Variants in DAB1 observed in about 807,000 individuals in gnomAD.
DAB1 encodes the protein DAB adaptor protein 1.
A neutral mutation model predicts 64.6 loss-of-function variants in DAB1; 15 were observed. The ratio of observed to expected loss-of-function variants is 0.23; its 90% CI spans 0.16 to 0.36. The LOEUF is 0.36. DAB1 is among the 10% of genes least tolerant of loss of function. The pLI is 1.00. For synonymous variants in DAB1, 235 were observed against 251.9 expected (o/e 0.93, Z 0.64); for missense variants, 596 against 706.7 (o/e 0.84, Z 1.78).
intron 2 of DAB1, among the ~76,000 whole-genome samples, chr1:57,233,776 A>C (rs1366471442): frequency 6.6e-6 from 1 of 151,826 alleles, no homozygotes; most frequent in African/African-American, 2.4e-5. Context: ...ATAAAAATAA[A>C]AAAATAAACC....
chr1:58,510,083 C>T (rs1056221013), intron 2 of DAB1, among the ~76,000 whole-genome samples: 1 of 152,106 alleles, frequency 6.6e-6, no homozygotes, highest in East Asian at 1.9e-4. Context: ...GTCAATGACT[C>T]TCAAAGTCTT....
intron 5 of DAB1, among the ~76,000 whole-genome samples, chr1:58,040,232 G>A (rs1647114154): frequency 6.6e-6 from 1 of 152,130 alleles, no homozygotes; most frequent in African/African-American, 2.4e-5. Flanking sequence ...GAAAGCAAAA[G>A]TTAAATCCCT....
rs1276892494 is a variant in DAB1 at position 57,072,280 on chromosome 1, C to T, written c.438+3G>A. ...GACTCCCTTCTTGGATAGGGATACTCACCGCCTGGGCTGTTTTTATGGCCA... is the reference window on the plus strand; with the variant it reads ...GACTCCCTTCTTGGATAGGGATACTTACCGCCTGGGCTGTTTTTATGGCCA... On this transcript the variant is annotated splice_donor_region_variant and intron_variant, in intron 5 of 14. Coordinates refer to ENST00000371236, the MANE Select transcript of DAB1 (RefSeq NM_001365792.1). 1.2e-6 allele frequency: 2 copies of T among 1,613,342 alleles called. No individual in the cohort carries two copies. Among genetic ancestry groups the T allele is most frequent in the South Asian group, 1.1e-5 (1 of 91,018 alleles).
chr1:57,931,263 T>C (rs1485677704), intron 5 of DAB1, among the ~76,000 whole-genome samples: 1 of 152,204 alleles, frequency 6.6e-6, no homozygotes, highest in Non-Finnish European at 1.5e-5. Flanking sequence ...TAATATTTTG[T>C]TGAGGATTTT....
chr1:58,303,920 T>C (rs1406950180), intron 4 of DAB1, among the ~76,000 whole-genome samples: 1 of 152,198 alleles, frequency 6.6e-6, no homozygotes, highest in East Asian at 1.9e-4. Flanking sequence ...TTTATTTATT[T>C]ATTTTTACCC....
At chr1:58,207,652 C>A (rs976708204) in intron 4 of DAB1, among the ~76,000 whole-genome samples, 1 of 152,184 alleles carries the variant, frequency 6.6e-6, no homozygotes, top group African/African-American at 2.4e-5. Context: ...GCTGGACAAC[C>A]TGAAATGGTT....
At chr1:57,558,011 G>GC (rs1344166527) in intron 7 of DAB1, among the ~76,000 whole-genome samples, 2 of 108,806 alleles carry the variant, frequency 1.8e-5, no homozygotes, top group East Asian at 6.6e-4. Context: ...CATGTGAGTG[G>GC]CTGACCTGCA....
At chr1:57,706,718 G>C (rs1425392227) in intron 6 of DAB1, among the ~76,000 whole-genome samples, 1 of 151,996 alleles carries the variant, frequency 6.6e-6, no homozygotes, top group African/African-American at 2.4e-5. Context: ...TTGTGCACTA[G>C]GTGTATATAT....
At chr1:57,479,846 C>T (rs1643989845) in intron 7 of DAB1, among the ~76,000 whole-genome samples, 9 of 152,138 alleles carry the variant, frequency 5.9e-5, no homozygotes, top group Admixed American at 5.9e-4. Flanking sequence ...TCAAGACATG[C>T]ATTGCAAGAG....
intron 2 of DAB1, among the ~76,000 whole-genome samples, chr1:57,283,728 G>A (rs1268996234): frequency 1.3e-5 from 2 of 152,210 alleles, no homozygotes; most frequent in Non-Finnish European, 2.9e-5. Context: ...AACACCCTGA[G>A]ATGTTAATGA....
chr1:57,361,354 A>C (rs533145571), intron 1 of DAB1, among the ~76,000 whole-genome samples: 99 of 152,300 alleles, frequency 6.5e-4, no homozygotes, highest in African/African-American at 2.3e-3. Context: ...ACTAGCTCAG[A>C]TCACATAAAT....
At chr1:58,053,108 AT>A (rs1242132475) in intron 5 of DAB1, among the ~76,000 whole-genome samples, 1 of 152,200 alleles carries the variant, frequency 6.6e-6, no homozygotes, top group Non-Finnish European at 1.5e-5. Flanking sequence ...TAATCTATTC[AT>A]GAGGGATCCA....
chr1:58,427,256 A>C (rs1364316038), intron 3 of DAB1, among the ~76,000 whole-genome samples: 1 of 152,180 alleles, frequency 6.6e-6, no homozygotes. Flanking sequence ...GGGGTACCTA[A>C]GACCAAGGTA....
At chr1:57,072,240 A>C (rs747862753) in intron 5 of DAB1, 43 bp downstream of exon 5, 13 of 1,608,706 alleles carry the variant, frequency 8.1e-6, no homozygotes, top group Non-Finnish European at 7.6e-6. Context: ...CTGTCCCCCC[A>C]GAGTTCCAAG....
intron 1 of DAB1, among the ~76,000 whole-genome samples, chr1:58,529,851 T>C (rs576307334): frequency 8.5e-5 from 13 of 152,270 alleles, no homozygotes; most frequent in Non-Finnish European, 1.5e-5. Context: ...AGGATGTGCA[T>C]AGTTACATGC....
chr1:58,344,150 C>T (rs1251268587), intron 3 of DAB1, among the ~76,000 whole-genome samples: 1 of 152,186 alleles, frequency 6.6e-6, no homozygotes, highest in East Asian at 1.9e-4. Flanking sequence ...CTCTGAGTCT[C>T]GCTGTTCTCA....
chr1:57,282,969 A>G (rs1672032982), intron 2 of DAB1, among the ~76,000 whole-genome samples: 1 of 151,842 alleles, frequency 6.6e-6, no homozygotes, highest in Admixed American at 6.6e-5. Flanking sequence ...ACATTCTCCA[A>G]CTCTCCAGCA....
intron 9 of DAB1, among the ~76,000 whole-genome samples, chr1:57,027,700 G>A (rs868067800): frequency 1.6e-4 from 24 of 152,134 alleles, no homozygotes; most frequent in Non-Finnish European, 1.8e-4. Flanking sequence ...TTTGATGTTT[G>A]GTTAAGACTG....
chr1:57,902,733 C>T (rs1202843), intron 5 of DAB1, among the ~76,000 whole-genome samples: 87,872 of 151,970 alleles, frequency 0.58, 25,792 homozygotes, highest in African/African-American at 0.65. Flanking sequence ...CTGGTGTTCA[C>T]CAGATTCCTT....
Sources: allele counts gnomAD v4.1 joint callset (sites outside exome capture counted in the v4.1 genomes callset), GRCh38; gene constraint gnomAD v4.1.1; transcripts MANE v1.5; gene names NCBI Gene and HGNC (gene_info 2026-07-23, HGNC 2026-07-21).